UTRN: variants seen among roughly 807,000 people sequenced by gnomAD.
UTRN encodes the protein utrophin, also known as dystrophin-related protein 1.
UTRN carries 283 observed loss-of-function variants against 463.9 expected under a neutral mutation model. That is an observed-to-expected ratio of 0.61 (90% CI 0.55 to 0.67). The LOEUF (loss-of-function observed/expected upper bound fraction) is 0.67. Among genes scored for constraint, UTRN ranks in the 30% least tolerant of loss-of-function variants. The pLI, the probability that UTRN is intolerant of heterozygous loss-of-function variation, is 0.00. For synonymous variants in UTRN, 1,442 were observed against 1,431.5 expected, an observed-to-expected ratio of 1.01 and a Z score of -0.17; for missense variants, 3,922 against 4,084.3, an observed-to-expected ratio of 0.96 and a Z score of 1.08.
intron 2 of UTRN, among the ~76,000 whole-genome samples, chr6:144,346,492 T>C (rs1777580432): frequency 6.6e-6 from 1 of 152,184 alleles, no homozygotes; most frequent in Non-Finnish European, 1.5e-5. Context: ...TTTAGTCATC[T>C]TGTTAGAAAT....
chr6:144,499,368 C>T lies in UTRN; in HGVS notation c.4705C>T (p.Gln1569Ter), dbSNP rs1202445608. ...WLSATETELV[Q>*]KSTSEGLLGD... is the part of the protein sequence containing the mutation. ...TTCTGCTACTGAAACTGAATTGGTA[C>T]AGAAGTCCACTTCAGAAGGTCTGCT... is the stretch of plus-strand genomic sequence containing the variant. The change falls in exon 34 of 75, where the codon CAG becomes TAG. Residue 1569 changes from glutamine (Q) to a stop codon, truncating the protein, a stop_gained. Coordinates refer to ENST00000367545, the MANE Select transcript of UTRN (RefSeq NM_007124.3). LOFTEE classifies it high-confidence loss of function. 1.2e-6 allele frequency: 2 copies of T among 1,613,248 alleles called. No individual in the cohort carries two copies. The highest frequency in any genetic ancestry group is 1.1e-5 in the South Asian group (1 of 90,962).
At chr6:144,775,915 G>A (rs1009108324) in intron 60 of UTRN, among the ~76,000 whole-genome samples, 2 of 152,184 alleles carry the variant, frequency 1.3e-5, no homozygotes, top group Non-Finnish European at 2.9e-5. Flanking sequence ...CAGAAGGGAC[G>A]CTTCTCCAAC....
chr6:144,499,202 A>G (rs1199056627), intron 33 of UTRN, 55 bp from the exon 34 acceptor site: 2 of 1,546,638 alleles, frequency 1.3e-6, no homozygotes, highest in Non-Finnish European at 1.8e-6. Flanking sequence ...ATTCATTCTC[A>G]TTTATGTTCA....
rs140342356 is a variant in UTRN, at chr6:144,626,561, C to T, written c.7479+49273C>T. On this transcript the variant is annotated intron_variant, in intron 51 of 74. Transcript: ENST00000367545. ...TAGATTTGGTTACAGTGGGTTTGCACATGTCCACAGCTGCCTACAGGCCAC... is the reference window on the plus strand; with the variant it reads ...TAGATTTGGTTACAGTGGGTTTGCATATGTCCACAGCTGCCTACAGGCCAC... Among the ~76,000 whole-genome samples the T allele has an allele frequency of 3.9e-5, 6 of 152,354 alleles. No individual in the cohort carries two copies. The East Asian group carries it at 7.7e-4, about 20-fold the overall frequency.
chr6:144,681,751 A>G (rs1782221520), intron 52 of UTRN, among the ~76,000 whole-genome samples: 1 of 152,156 alleles, frequency 6.6e-6, no homozygotes, highest in Non-Finnish European at 1.5e-5. Flanking sequence ...CAAGTTTATA[A>G]CAGCTTGAAG....
intron 38 of UTRN, 73 bp downstream of exon 38, chr6:144,516,460 A>ATG: frequency 6.8e-7 from 1 of 1,471,998 alleles, no homozygotes; most frequent in Non-Finnish European, 9.2e-7. Flanking sequence ...TTACATCAAG[A>ATG]TGTTTGCCCA....
rs1032748059 is a variant in UTRN, at chr6:144,510,776, A to C, written c.4765-168A>C. ...TTCCATTTGGAACTTAAGAATTCTC[A>C]CTATGTTAATAAGTTTGGGAATTTT... On this transcript the variant is annotated intron_variant, in intron 34 of 74. Coordinates refer to ENST00000367545, the MANE Select transcript of UTRN (RefSeq NM_007124.3). Among the ~76,000 whole-genome samples the C allele has an allele frequency of 2.6e-5, 4 of 152,224 alleles. No individual in the cohort carries two copies. The South Asian group carries it at 8.3e-4, about 31-fold the overall frequency.
chr6:144,558,998 A>G (rs995502698), intron 50 of UTRN, among the ~76,000 whole-genome samples: 18 of 152,294 alleles, frequency 1.2e-4, no homozygotes, highest in Non-Finnish European at 1.5e-4. Context: ...TGTGTTTCCA[A>G]AAATTCCATG....
At chr6:144,671,769 A>G (rs1466665432) in intron 51 of UTRN, among the ~76,000 whole-genome samples, 4 of 152,072 alleles carry the variant, frequency 2.6e-5, no homozygotes, top group African/African-American at 9.7e-5. Flanking sequence ...ACTTTTCCCC[A>G]TTAAGTATAA....
At chr6:144,584,909 T>C (rs1246126335) in intron 51 of UTRN, among the ~76,000 whole-genome samples, 1 of 152,118 alleles carries the variant, frequency 6.6e-6, no homozygotes, top group Non-Finnish European at 1.5e-5. Flanking sequence ...AAAGGCAATT[T>C]TGATAATAGA....
At chr6:144,390,649 C>T (rs1294527458) in intron 2 of UTRN, among the ~76,000 whole-genome samples, 1 of 152,220 alleles carries the variant, frequency 6.6e-6, no homozygotes, top group African/African-American at 2.4e-5. Flanking sequence ...CAGCTGTTCT[C>T]TCTTCTACAA....
chr6:144,737,794 C>G (rs184836617), intron 54 of UTRN, among the ~76,000 whole-genome samples: 2 of 151,338 alleles, frequency 1.3e-5, no homozygotes, highest in Admixed American at 1.3e-4. Flanking sequence ...TGTATCATGT[C>G]AATGTATACT....
chr6:144,605,677 A>ATTTTT (rs11370145), intron 51 of UTRN, among the ~76,000 whole-genome samples: 2 of 139,718 alleles, frequency 1.4e-5, no homozygotes, highest in Non-Finnish European at 3.1e-5. Flanking sequence ...TGTGGGTGCC[A>ATTTTT]TTTTTTTTTT....
chr6:144,568,570 G>C (rs1040383044), intron 50 of UTRN, among the ~76,000 whole-genome samples: 1 of 152,084 alleles, frequency 6.6e-6, no homozygotes, highest in African/African-American at 2.4e-5. Context: ...TGCTGGATGC[G>C]ATCTTAGAAC....
At chr6:144,421,343 A>G (rs1448373869) in intron 3 of UTRN, among the ~76,000 whole-genome samples, 1 of 152,124 alleles carries the variant, frequency 6.6e-6, no homozygotes, top group Non-Finnish European at 1.5e-5. Context: ...TCAGCTTAAA[A>G]TATTCTTTAT....
chr6:144,326,310 T>A (rs1364209073), intron 2 of UTRN, among the ~76,000 whole-genome samples: 1 of 152,172 alleles, frequency 6.6e-6, no homozygotes, highest in Admixed American at 6.6e-5. Context: ...CCCTTAGTTT[T>A]TTTTTTTTAG....
chr6:144,824,431 C>CAATGTATATATATACACTATGTATATAT (rs149467521), intron 66 of UTRN, among the ~76,000 whole-genome samples: 82 of 112,652 alleles, frequency 7.3e-4, no homozygotes, highest in East Asian at 2.8e-3. Context: ...CACACACACA[C>CAATGTATATATATACACTATGTATATAT]ATTGTATATA....
chr6:144,795,678 A>G (rs1480501037), intron 63 of UTRN, among the ~76,000 whole-genome samples: 2 of 152,064 alleles, frequency 1.3e-5, no homozygotes, highest in East Asian at 1.9e-4. Context: ...TCTTTTGTGA[A>G]GTGTCTGTTC....
At chr6:144,417,262 A>G (rs1784435169) in intron 3 of UTRN, among the ~76,000 whole-genome samples, 1 of 152,082 alleles carries the variant, frequency 6.6e-6, no homozygotes, top group Non-Finnish European at 1.5e-5. Context: ...GTGATGAAAT[A>G]TTTTCTTCCC....
Sources: gnomAD v4.1 joint callset for allele counts (sites outside exome capture counted in the v4.1 genomes callset) on GRCh38, gnomAD v4.1.1 for gene constraint, MANE v1.5 for transcripts, NCBI Gene and HGNC (gene_info 2026-07-23, HGNC 2026-07-21) for gene names.